Variants in CD44 observed in about 807,000 individuals in gnomAD.
The protein encoded by CD44 is CD44 antigen.
In CD44, 49 loss-of-function variants were observed where a neutral mutation model predicts 88.8. The observed-to-expected ratio is 0.55, with a 90% CI of 0.44 to 0.70. The LOEUF is 0.70. CD44 is among the 30% of genes least tolerant of loss of function. The pLI, the probability that CD44 is intolerant of heterozygous loss-of-function variation, is 0.00. For synonymous variants in CD44, 325 were observed against 312.3 expected (o/e 1.04, Z -0.43); for missense variants, 883 against 913.8 (o/e 0.97, Z 0.43).
At chr11:35,170,710 C>T (rs901911327) in intron 1 of CD44, among the ~76,000 whole-genome samples, 2 of 152,186 alleles carry the variant, frequency 1.3e-5, no homozygotes, top group Admixed American at 1.3e-4. Context: ...ATGCAATCAG[C>T]CATTTAGTAT....
intron 1 of CD44, among the ~76,000 whole-genome samples, chr11:35,146,556 A>G (rs1859219323): frequency 6.6e-6 from 1 of 152,194 alleles, no homozygotes; most frequent in South Asian, 2.1e-4. Context: ...TGTTTAATCC[A>G]AACACTGACT....
chr11:35,161,542 C>T (rs1298389766), intron 1 of CD44, among the ~76,000 whole-genome samples: 1 of 152,188 alleles, frequency 6.6e-6, no homozygotes, highest in African/African-American at 2.4e-5. Context: ...GGAGTGGACA[C>T]ATCACAGTTG....
At chr11:35,192,191 A>G (rs1946332798) in intron 5 of CD44, among the ~76,000 whole-genome samples, 1 of 152,214 alleles carries the variant, frequency 6.6e-6, no homozygotes, top group African/African-American at 2.4e-5. Context: ...GAAAGAGACT[A>G]ATGAGTCTAC....
In CD44 at chr11:35,217,258, G is replaced by A. The variant is rs189341138; in HGVS notation, c.1874-2058G>A. 2.2e-3 allele frequency among the ~76,000 whole-genome samples: 319 copies of A among 147,256 alleles called. 6 individuals carry two copies. Among genetic ancestry groups the A allele is most frequent in the Non-Finnish European group, 1.0e-3 (70 of 67,208 alleles). On this transcript the variant is annotated intron_variant, in intron 15 of 17. Coordinates refer to ENST00000428726, the MANE Select transcript of CD44 (RefSeq NM_000610.4). The stretch of plus-strand genomic sequence containing the variant: ...ACACCCAGATCTTTTCTTGCTGGGA[G>A]CACTTCTTCTTTTTTTTTTTTTTTA...
rs1591326936 is a variant in CD44 at position 35,219,376 on chromosome 11, C to T, written c.1934C>T (p.Pro645Leu). The T allele has an allele frequency of 6.2e-7, 1 of 1,612,770 alleles. No individual in the cohort carries two copies. Among genetic ancestry groups the T allele is most frequent in the African/African-American group, 1.3e-5 (1 of 74,850 alleles). ...ANTTSGPIRTPQIPEWLIILA... is the reference protein window; with the variant it reads ...ANTTSGPIRTLQIPEWLIILA... Reference sequence around the variant, plus strand: ...ACAACCTCTGGTCCTATAAGGACACCCCAAATTCCAGGTGAGTTTCAAACT... The same window carrying T: ...ACAACCTCTGGTCCTATAAGGACACTCCAAATTCCAGGTGAGTTTCAAACT... The change falls in exon 16 of 18, where the codon CCC becomes CTC. Residue 645 changes from proline (P) to leucine (L), a missense_variant. Pro to Leu is a moderately conservative substitution (Grantham distance 98, BLOSUM62 -3). Coordinates refer to ENST00000428726, the MANE Select transcript of CD44 (RefSeq NM_000610.4).
chr11:35,169,195 C>T (rs1269928416), intron 1 of CD44, among the ~76,000 whole-genome samples: 2 of 152,070 alleles, frequency 1.3e-5, no homozygotes, highest in Non-Finnish European at 2.9e-5. Flanking sequence ...CAACATTTGC[C>T]TACCATGGGA....
intron 1 of CD44, among the ~76,000 whole-genome samples, chr11:35,165,629 A>G (rs1481129014): frequency 1.3e-5 from 2 of 152,176 alleles, no homozygotes; most frequent in Non-Finnish European, 2.9e-5. Flanking sequence ...AGATTTTAAT[A>G]CTGTCCCAGG....
intron 1 of CD44, among the ~76,000 whole-genome samples, chr11:35,164,098 C>G (rs577242445): frequency 3.9e-5 from 6 of 152,200 alleles, no homozygotes; most frequent in Non-Finnish European, 7.4e-5. Context: ...GGGGGCTCAG[C>G]AGTAGAAGCT....
rs1946943509 is a variant in CD44, at chr11:35,198,149, C to A, written c.825C>A (p.Gly275=). ...AGTSSNTISA[G]WEPNEENEDE... ...CGTCTTCAAATACCATCTCAGCAGG[C>A]TGGGAGCCAAATGAAGAAAATGAAG... The change falls in exon 7 of 18, where the codon GGC becomes GGA. Residue 275 remains glycine (G), a synonymous_variant. Transcript: ENST00000428726. 2 of 1,613,866 alleles carry A rather than the reference C, an allele frequency of 1.2e-6. No homozygotes were observed. Among genetic ancestry groups the A allele is most frequent in the Non-Finnish European group, 1.7e-6 (2 of 1,179,922 alleles).
At chr11:35,160,074 C>A (rs1035745015) in intron 1 of CD44, among the ~76,000 whole-genome samples, 4 of 152,198 alleles carry the variant, frequency 2.6e-5, no homozygotes, top group Non-Finnish European at 5.9e-5. Context: ...CATCAAAGAT[C>A]AAGGTGCCAG....
chr11:35,160,875 G>A (rs1393815746), intron 1 of CD44, among the ~76,000 whole-genome samples: 1 of 152,188 alleles, frequency 6.6e-6, no homozygotes, highest in East Asian at 1.9e-4. Context: ...CTTGAGGCAG[G>A]ATCCTCCTTA....
chr11:35,203,318 T>C (rs1282456135), intron 9 of CD44, among the ~76,000 whole-genome samples: 3 of 151,394 alleles, frequency 2.0e-5, no homozygotes, highest in Non-Finnish European at 4.4e-5. Flanking sequence ...TAGTGTTCTA[T>C]ACAGTCACAC....
At chr11:35,192,684 T>C (rs1236744036) in intron 5 of CD44, among the ~76,000 whole-genome samples, 3 of 152,072 alleles carry the variant, frequency 2.0e-5, no homozygotes, top group Non-Finnish European at 2.9e-5. Context: ...TTCCTATTGG[T>C]GACCTGGAAC....
chr11:35,199,778 G>A (rs141547921), intron 7 of CD44, among the ~76,000 whole-genome samples: 55 of 152,140 alleles, frequency 3.6e-4, no homozygotes, highest in Middle Eastern at 3.4e-3. Flanking sequence ...ACTGTCTCCT[G>A]TGTTCAGCAT....
intron 17 of CD44, among the ~76,000 whole-genome samples, chr11:35,225,784 C>G (rs1333818736): frequency 1.3e-5 from 2 of 151,970 alleles, no homozygotes; most frequent in Admixed American, 6.6e-5. Context: ...GCCATTGCAC[C>G]CCAGCCTGGT....
intron 5 of CD44, among the ~76,000 whole-genome samples, chr11:35,191,707 G>A (rs1946289019): frequency 6.6e-6 from 1 of 152,152 alleles, no homozygotes; most frequent in Admixed American, 6.5e-5. Flanking sequence ...GGGACTATAT[G>A]TAGTTAACAT....
intron 1 of CD44, among the ~76,000 whole-genome samples, chr11:35,173,487 C>T (rs1944130127): frequency 6.6e-5 from 10 of 152,192 alleles, no homozygotes; most frequent in Admixed American, 6.5e-4. Flanking sequence ...TAAGAGAACA[C>T]CATTAGGCTT....
chr11:35,152,390 C>T (rs1478280757), intron 1 of CD44, among the ~76,000 whole-genome samples: 2 of 152,168 alleles, frequency 1.3e-5, no homozygotes, highest in African/African-American at 2.4e-5. Context: ...CCAGAAATAG[C>T]CCCTGGGTAA....
rs564225445 is a variant in CD44 at position 35,177,411 on chromosome 11, A to G, written c.233+671A>G. 3.9e-4 allele frequency among the ~76,000 whole-genome samples: 59 copies of G among 152,342 alleles called. 1 individual carries two copies. The highest frequency in any genetic ancestry group is 2.5e-3 in the South Asian group (12 of 4,824). ...TTGAATTTCCAATGGCCTTGCGGTA[A>G]GCGGTGCACAAGAAGAGCAAGCCAC... On this transcript the variant is annotated intron_variant, in intron 2 of 17. Coordinates refer to ENST00000428726, the MANE Select transcript of CD44 (RefSeq NM_000610.4).
Sources: gnomAD v4.1 joint callset for allele counts (sites outside exome capture counted in the v4.1 genomes callset) on GRCh38, gnomAD v4.1.1 for gene constraint, MANE v1.5 for transcripts, NCBI Gene and HGNC (gene_info 2026-07-23, HGNC 2026-07-21) for gene names.